DPYD: variants seen among roughly 807,000 people sequenced by gnomAD.
DPYD encodes the protein dihydropyrimidine dehydrogenase.
DPYD carries 109 observed loss-of-function variants against 116.2 expected under a neutral mutation model. The ratio of observed to expected loss-of-function variants is 0.94; its 90% confidence interval spans 0.80 to 1.10. The LOEUF is 1.10. DPYD is among the 50% of genes least tolerant of loss of function. The probability of loss-of-function intolerance (pLI) is 0.00; values close to 1 mark genes in which losing one functional copy is unlikely to be tolerated. For missense variants in DPYD, 1,302 were observed against 1,254.5 expected (o/e 1.04, Z -0.57); for synonymous variants, 440 against 432.0 (o/e 1.02, Z -0.23).
chr1:97,459,281 T>TA (rs1209591416), intron 13 of DPYD, among the ~76,000 whole-genome samples: 1 of 152,232 alleles, frequency 6.6e-6, no homozygotes, highest in Non-Finnish European at 1.5e-5. Flanking sequence ...ATCTAGAGGT[T>TA]AAGAGACATG....
intron 20 of DPYD, among the ~76,000 whole-genome samples, chr1:97,160,362 T>C (rs1349257898): frequency 5.1e-5 from 3 of 58,318 alleles, no homozygotes; most frequent in Admixed American, 2.4e-4. Flanking sequence ...CTCTCCATAA[T>C]AGAATGTTGG....
intron 19 of DPYD, among the ~76,000 whole-genome samples, chr1:97,217,006 G>A (rs1183316736): frequency 4.6e-5 from 7 of 152,164 alleles, no homozygotes; most frequent in East Asian, 1.9e-4. Context: ...TCAGGAGTTC[G>A]AGACCAGCCT....
chr1:97,208,159 T>TTTTTC (rs1184737052), intron 19 of DPYD, among the ~76,000 whole-genome samples: 4 of 151,956 alleles, frequency 2.6e-5, no homozygotes, highest in South Asian at 2.1e-4. Context: ...CTCTCTTTCT[T>TTTTTC]TTTTCTTTTC....
intron 8 of DPYD, among the ~76,000 whole-genome samples, chr1:97,641,236 G>A (rs924108322): frequency 2.2e-4 from 34 of 152,278 alleles, no homozygotes; most frequent in Admixed American, 7.9e-4. Flanking sequence ...ATTGTACACA[G>A]TGCGTAGTGG....
intron 19 of DPYD, among the ~76,000 whole-genome samples, chr1:97,221,831 C>T (rs911928267): frequency 5.9e-5 from 9 of 151,986 alleles, no homozygotes; most frequent in Non-Finnish European, 1.2e-4. Flanking sequence ...ACTCAACAAC[C>T]AACTTTGTTC....
At chr1:97,253,176 T>C (rs1663220500) in intron 18 of DPYD, among the ~76,000 whole-genome samples, 1 of 152,112 alleles carries the variant, frequency 6.6e-6, no homozygotes, top group Non-Finnish European at 1.5e-5. Flanking sequence ...GAGAGTATAA[T>C]GTCACAATCA....
chr1:97,869,389 T>C (rs1671550572), intron 2 of DPYD, among the ~76,000 whole-genome samples: 1 of 151,678 alleles, frequency 6.6e-6, no homozygotes, highest in African/African-American at 2.4e-5. Flanking sequence ...AAATAAGAAA[T>C]ATAATAAACA....
In DPYD at chr1:97,584,078, G is replaced by T. The variant is rs545597797; in HGVS notation, c.1128+9140C>A. 2.6e-5 allele frequency among the ~76,000 whole-genome samples: 4 copies of T among 152,204 alleles called. No homozygotes were observed. In the South Asian group the frequency reaches 8.3e-4, roughly 32 times the overall value. On this transcript the variant is annotated intron_variant, in intron 10 of 22. Transcript: ENST00000370192. ...TCTCCACATCCTCTCCAGCACCTGT[G>T]GTTTCCTGACTTTTAATGATCGCCA... is the stretch of plus-strand genomic sequence containing the variant.
chr1:97,232,331 CT>C (rs1157340067), intron 19 of DPYD, among the ~76,000 whole-genome samples: 1 of 152,128 alleles, frequency 6.6e-6, no homozygotes, highest in Non-Finnish European at 1.5e-5. Context: ...GAGGTTTTAT[CT>C]TTTTCTTCAG....
chr1:97,300,444 T>C (rs1553251100), intron 18 of DPYD, among the ~76,000 whole-genome samples: 1 of 151,972 alleles, frequency 6.6e-6, no homozygotes, highest in Non-Finnish European at 1.5e-5. Flanking sequence ...GATTGACACA[T>C]AAAAAAATCC....
At chr1:97,140,333 A>G (rs1476946099) in intron 20 of DPYD, among the ~76,000 whole-genome samples, 1 of 152,086 alleles carries the variant, frequency 6.6e-6, no homozygotes, top group Admixed American at 6.6e-5. Context: ...CAATATAACT[A>G]CATTGAAAGC....
At chr1:97,201,033 T>G (rs1449008649) in intron 19 of DPYD, among the ~76,000 whole-genome samples, 1 of 152,184 alleles carries the variant, frequency 6.6e-6, no homozygotes, top group African/African-American at 2.4e-5. Context: ...ATTTCTGACC[T>G]CTGCAGAGCT....
intron 14 of DPYD, among the ~76,000 whole-genome samples, chr1:97,436,506 T>C (rs971570644): frequency 2.0e-5 from 3 of 151,996 alleles, no homozygotes; most frequent in African/African-American, 7.2e-5. Context: ...TGTTAGATGC[T>C]ATACTTCCAA....
At chr1:97,138,474 T>G (rs893266759) in intron 20 of DPYD, among the ~76,000 whole-genome samples, 1 of 152,096 alleles carries the variant, frequency 6.6e-6, no homozygotes, top group Non-Finnish European at 1.5e-5. Flanking sequence ...GCATGGTGAG[T>G]TCATCCGGTT....
chr1:97,416,031 A>T (rs1674271937), intron 14 of DPYD, among the ~76,000 whole-genome samples: 1 of 152,194 alleles, frequency 6.6e-6, no homozygotes, highest in African/African-American at 2.4e-5. Context: ...GTCTTACAAT[A>T]AAAAAGATGA....
chr1:97,725,612 G>A (rs1293723062), intron 4 of DPYD, among the ~76,000 whole-genome samples: 3 of 151,636 alleles, frequency 2.0e-5, no homozygotes, highest in African/African-American at 7.2e-5. Flanking sequence ...AGATCAATGT[G>A]ATATAAATAT....
chr1:97,786,519 A>G (rs912327767), intron 3 of DPYD, among the ~76,000 whole-genome samples: 2 of 152,172 alleles, frequency 1.3e-5, no homozygotes, highest in South Asian at 4.1e-4. Flanking sequence ...TTTTATACCA[A>G]AGGACCATCC....
At chr1:97,199,020 C>T (rs1217343722) in intron 19 of DPYD, among the ~76,000 whole-genome samples, 1 of 152,038 alleles carries the variant, frequency 6.6e-6, no homozygotes. Flanking sequence ...TTAATAGAGG[C>T]CGACCTGTGC....
At chr1:97,695,955 T>C (rs75621692) in intron 6 of DPYD, among the ~76,000 whole-genome samples, 18,570 of 151,050 alleles carry the variant, frequency 0.12, 1,223 homozygotes, top group Middle Eastern at 0.14. Context: ...CATGATGAAA[T>C]CCCATCTTTA....
Sources: gnomAD v4.1 joint callset for allele counts (sites outside exome capture counted in the v4.1 genomes callset) on GRCh38, gnomAD v4.1.1 for gene constraint, MANE v1.5 for transcripts, NCBI Gene and HGNC (gene_info 2026-07-23, HGNC 2026-07-21) for gene names.